The following ADAMTSL1 variants were observed in gnomAD, a reference collection of about 807,000 sequenced individuals.
The protein encoded by ADAMTSL1 is ADAMTS-like protein 1.
In ADAMTSL1, 126 loss-of-function variants were observed where a neutral mutation model predicts 201.8. The observed-to-expected ratio is 0.62, with a 90% CI of 0.54 to 0.72. The LOEUF is 0.72. Among genes scored for constraint, ADAMTSL1 ranks in the 30% least tolerant of loss-of-function variants. ADAMTSL1 has a pLI of 0.00. For synonymous variants in ADAMTSL1, 1,121 were observed against 903.4 expected (o/e 1.24, Z -4.32); for missense variants, 2,679 against 2,277.8 (o/e 1.18, Z -3.59).
rs76239322 is a variant in ADAMTSL1, at chr9:18,474,994, C to G, written c.63+699C>G. On this transcript the variant is annotated intron_variant, in intron 1 of 28. Coordinates refer to ENST00000380548, the MANE Select transcript of ADAMTSL1 (RefSeq NM_001040272.6). ...GTCAGTACACATTGCATTTTTGACTCGAAGTAAATGTTCCGTTGTGACTCA... is the reference window on the plus strand; with the variant it reads ...GTCAGTACACATTGCATTTTTGACTGGAAGTAAATGTTCCGTTGTGACTCA... Among the ~76,000 whole-genome samples the G allele has an allele frequency of 2.6e-5, 4 of 152,272 alleles. No homozygotes were observed. In the East Asian group the frequency reaches 7.7e-4, roughly 29 times the overall value.
At position 18,777,672 on chromosome 9, in the gene ADAMTSL1, C is replaced by A. The variant is rs1161431742; in HGVS notation, c.3443C>A (p.Ser1148Tyr). Residue 1148 changes from serine (S) to tyrosine (Y), a missense_variant, in exon 19 of 29, where the codon TCC becomes TAC. Ser to Tyr is a moderately radical substitution (Grantham distance 144). Transcript: ENST00000380548. ...GGCTTCAGCAGCTCCCTGCGGACCT[C>A]CTCCACCGGGGACGCCGGGGGAGGC... is the stretch of plus-strand genomic sequence containing the variant. ...VSGFSSSLRT[S>Y]STGDAGGGSR... The A allele has an allele frequency of 1.2e-6, 2 of 1,613,532 alleles. No individual in the cohort carries two copies. The highest frequency in any genetic ancestry group is 1.7e-5 in the Admixed American group (1 of 59,994).
intron 2 of ADAMTSL1, among the ~76,000 whole-genome samples, chr9:18,359,390 A>G (rs1836400734): frequency 6.6e-6 from 1 of 152,142 alleles, no homozygotes; most frequent in South Asian, 2.1e-4. Flanking sequence ...CACAAATTAA[A>G]TCTTTCACCA....
intron 3 of ADAMTSL1, among the ~76,000 whole-genome samples, chr9:18,541,990 C>T (rs1384803690): frequency 6.6e-6 from 1 of 152,134 alleles, no homozygotes; most frequent in African/African-American, 2.4e-5. Flanking sequence ...TAATAATCCC[C>T]AGAATGAAAT....
At chr9:18,489,955 T>C (rs1383118618) in intron 1 of ADAMTSL1, among the ~76,000 whole-genome samples, 2 of 152,190 alleles carry the variant, frequency 1.3e-5, no homozygotes, top group African/African-American at 4.8e-5. Context: ...AGTAGTATTA[T>C]GAGGATCAAA....
At position 18,567,523 on chromosome 9, in the gene ADAMTSL1, C is replaced by T. The variant is rs80209532; in HGVS notation, c.238-6507C>T. 8.1e-3 allele frequency among the ~76,000 whole-genome samples: 1,234 copies of T among 152,144 alleles called. 38 individuals carry two copies. The East Asian group carries it at 0.096, about 12-fold the overall frequency. Reference sequence around the variant, plus strand: ...GTTGACATTGGGTTGGGGAATGCTGCAGGGAGAACAGATTTCATGGGGATA... The same window carrying T: ...GTTGACATTGGGTTGGGGAATGCTGTAGGGAGAACAGATTTCATGGGGATA... On this transcript the variant is annotated intron_variant, in intron 3 of 28. Transcript: ENST00000380548.
chr9:18,230,406 C>G (rs115169583), intron 2 of ADAMTSL1, among the ~76,000 whole-genome samples: 1,845 of 152,010 alleles, frequency 0.012, 50 homozygotes, highest in African/African-American at 0.042. Flanking sequence ...GGGAAGTGTC[C>G]CCTGGGCTGA....
At position 18,736,521 on chromosome 9, in the gene ADAMTSL1, G is replaced by T. The variant is rs1331672981; in HGVS notation, c.2006+14856G>T. ...GTGAAGTGAAACCACATGTGGGCTG[G>T]ATTGACCCTCCCTTGATCTAGAAAA... is the stretch of plus-strand genomic sequence containing the variant. On this transcript the variant is annotated intron_variant, in intron 15 of 28. Transcript: ENST00000380548. Among the ~76,000 whole-genome samples the T allele has an allele frequency of 2.6e-5, 4 of 152,156 alleles. No individual in the cohort carries two copies. In the East Asian group the frequency reaches 5.8e-4, roughly 22 times the overall value.
intron 14 of ADAMTSL1, among the ~76,000 whole-genome samples, chr9:18,720,143 A>G (rs568549908): frequency 6.6e-6 from 1 of 152,284 alleles, no homozygotes; most frequent in Non-Finnish European, 1.5e-5. Context: ...ACAAATGTCT[A>G]GGTTATTCCT....
chr9:18,124,824 T>A (rs952217494), intron 1 of ADAMTSL1, among the ~76,000 whole-genome samples: 1 of 152,162 alleles, frequency 6.6e-6, no homozygotes, highest in African/African-American at 2.4e-5. Context: ...CAAATATTAG[T>A]TTTCTGGTCC....
intron 13 of ADAMTSL1, among the ~76,000 whole-genome samples, chr9:18,703,776 A>G (rs58685386): frequency 7.1e-6 from 1 of 140,470 alleles, no homozygotes; most frequent in African/African-American, 2.6e-5. Context: ...ACTTTCAACC[A>G]TTGCAACAAG....
chr9:18,718,576 C>A (rs1463146012), intron 14 of ADAMTSL1: 2 of 438,092 alleles, frequency 4.6e-6, no homozygotes, highest in Non-Finnish European at 9.1e-6. Context: ...CACCGGGTTC[C>A]CGCAGCCAGT....
intron 3 of ADAMTSL1, among the ~76,000 whole-genome samples, chr9:18,534,177 T>A (rs1351487458): frequency 6.6e-6 from 1 of 152,156 alleles, no homozygotes; most frequent in Non-Finnish European, 1.5e-5. Flanking sequence ...AGAGTTTCCC[T>A]TTTAGAAAGG....
chr9:18,659,552 G>C (rs62549399), intron 8 of ADAMTSL1, among the ~76,000 whole-genome samples: 1,740 of 152,272 alleles, frequency 0.011, 28 homozygotes, highest in African/African-American at 0.035. Flanking sequence ...ATGGCTTGAG[G>C]CCAGGAGTTC....
chr9:18,215,129 A>T (rs1830015717), intron 2 of ADAMTSL1, among the ~76,000 whole-genome samples: 1 of 152,230 alleles, frequency 6.6e-6, no homozygotes, highest in Non-Finnish European at 1.5e-5. Context: ...TACATTTTGT[A>T]TAGCCAATAT....
At chr9:17,970,417 T>C (rs921895455) in intron 1 of ADAMTSL1, among the ~76,000 whole-genome samples, 12 of 152,060 alleles carry the variant, frequency 7.9e-5, no homozygotes, top group African/African-American at 2.9e-4. Flanking sequence ...GACTCACTGC[T>C]GTCCTCAGAG....
intron 2 of ADAMTSL1, among the ~76,000 whole-genome samples, chr9:18,522,694 GT>G (rs1333502510): frequency 5.4e-5 from 8 of 148,112 alleles, no homozygotes; most frequent in East Asian, 2.0e-4. Context: ...TGCGATGTTT[GT>G]TTTTTTTTTC....
intron 17 of ADAMTSL1, among the ~76,000 whole-genome samples, chr9:18,772,391 A>G (rs1402927857): frequency 6.6e-6 from 1 of 152,084 alleles, no homozygotes; most frequent in Non-Finnish European, 1.5e-5. Flanking sequence ...GTGCCTGCAG[A>G]TTTGAGGGGG....
chr9:17,995,551 G>T (rs1819338905), intron 1 of ADAMTSL1, among the ~76,000 whole-genome samples: 1 of 152,014 alleles, frequency 6.6e-6, no homozygotes, highest in Admixed American at 6.6e-5. Flanking sequence ...AGTTTGGTCT[G>T]AACTAGAGAG....
intron 28 of ADAMTSL1, chr9:18,907,879 A>C (rs146285270): frequency 0.02 from 3,351 of 169,098 alleles, 110 homozygotes; most frequent in African/African-American, 0.073. Context: ...TGCTGTGTTT[A>C]AGGCATGATG....
Sources: allele counts gnomAD v4.1 joint callset (sites outside exome capture counted in the v4.1 genomes callset), GRCh38; gene constraint gnomAD v4.1.1; transcripts MANE v1.5; gene names NCBI Gene and HGNC (gene_info 2026-07-23, HGNC 2026-07-21).